The following NCKAP5 variants were observed in gnomAD, a reference collection of about 807,000 sequenced individuals.
NCKAP5 encodes the protein nck-associated protein 5.
In NCKAP5, 92 loss-of-function variants were observed where a neutral mutation model predicts 167.0. The observed-to-expected ratio is 0.55, with a 90% CI of 0.47 to 0.66. The LOEUF (loss-of-function observed/expected upper bound fraction) is 0.66, where lower values mean the gene tolerates loss of function less well. Among genes scored for constraint, NCKAP5 ranks in the 30% least tolerant of loss-of-function variants. NCKAP5 has a pLI of 0.00. For synonymous variants in NCKAP5, 891 were observed against 877.4 expected, an observed-to-expected ratio of 1.02 and a Z score of -0.27; for missense variants, 2,378 against 2,315.0, an observed-to-expected ratio of 1.03 and a Z score of -0.56.
intron 3 of NCKAP5, among the ~76,000 whole-genome samples, chr2:133,421,109 C>T (rs1689446942): frequency 6.6e-6 from 1 of 152,164 alleles, no homozygotes; most frequent in East Asian, 1.9e-4. Flanking sequence ...TTTCTAAATG[C>T]AGAGCTAGAC....
intron 4 of NCKAP5, among the ~76,000 whole-genome samples, chr2:133,262,556 C>T (rs1413745267): frequency 2.0e-5 from 3 of 152,182 alleles, no homozygotes; most frequent in African/African-American, 7.2e-5. Flanking sequence ...ATGCCACCTA[C>T]TCTCTGAGAG....
In NCKAP5 at chr2:133,308,179, C is replaced by T. The variant is rs1258236973; in HGVS notation, c.70-5069G>A. ...TCTCGGCTCACTGCAAGCTCCGCCT[C>T]CCGGGTTCACGCCATTCTCCCACCT... is the stretch of plus-strand genomic sequence containing the variant. On this transcript the variant is annotated intron_variant, in intron 3 of 19. Transcript: ENST00000409261. Among the ~76,000 whole-genome samples the T allele has an allele frequency of 2.7e-5, 4 of 149,256 alleles. No individual in the cohort carries two copies. The East Asian group carries it at 6.0e-4, about 22-fold the overall frequency.
At chr2:133,264,122 A>C (rs1203099689) in intron 4 of NCKAP5, among the ~76,000 whole-genome samples, 1 of 152,228 alleles carries the variant, frequency 6.6e-6, no homozygotes, top group Non-Finnish European at 1.5e-5. Context: ...CCCTTCTGGT[A>C]ATATACATGT....
intron 5 of NCKAP5, among the ~76,000 whole-genome samples, chr2:133,132,200 T>C (rs949863748): frequency 6.6e-6 from 1 of 151,568 alleles, no homozygotes; most frequent in African/African-American, 2.4e-5. Flanking sequence ...AGGCAGTGAA[T>C]TGCTTGAACC....
At chr2:133,159,978 C>T (rs1360913942) in intron 5 of NCKAP5, among the ~76,000 whole-genome samples, 2 of 151,998 alleles carry the variant, frequency 1.3e-5, no homozygotes, top group African/African-American at 4.8e-5. Flanking sequence ...ATATGTAGTC[C>T]CTCTCTCCAT....
chr2:133,553,568 G>A (rs927628559), intron 2 of NCKAP5, among the ~76,000 whole-genome samples: 13 of 152,134 alleles, frequency 8.5e-5, no homozygotes, highest in African/African-American at 3.1e-4. Context: ...AGTTTAAATA[G>A]GTGGAGATGA....
chr2:133,115,798 T>C (rs1559154049), intron 6 of NCKAP5, among the ~76,000 whole-genome samples: 10 of 122,762 alleles, frequency 8.1e-5, no homozygotes, highest in African/African-American at 3.7e-4. Flanking sequence ...TATATATATA[T>C]ATATATATAT....
chr2:132,825,328 A>T (rs1251780364), intron 11 of NCKAP5, among the ~76,000 whole-genome samples: 2 of 152,170 alleles, frequency 1.3e-5, no homozygotes, highest in African/African-American at 4.8e-5. Flanking sequence ...ATGCATGATA[A>T]TGAGGGATGG....
intron 4 of NCKAP5, among the ~76,000 whole-genome samples, chr2:133,254,561 C>A (rs1235813657): frequency 2.6e-5 from 4 of 152,090 alleles, no homozygotes; most frequent in Non-Finnish European, 5.9e-5. Flanking sequence ...GATTGTTATT[C>A]AGCAACAGAT....
intron 3 of NCKAP5, among the ~76,000 whole-genome samples, chr2:133,452,474 T>C (rs1691609963): frequency 6.6e-6 from 1 of 152,182 alleles, no homozygotes; most frequent in Non-Finnish European, 1.5e-5. Flanking sequence ...TAATATGTAA[T>C]GGAGAAATTG....
intron 4 of NCKAP5, among the ~76,000 whole-genome samples, chr2:133,278,638 T>C (rs1220888167): frequency 1.3e-5 from 2 of 152,138 alleles, no homozygotes; most frequent in African/African-American, 2.4e-5. Context: ...TTGTGGGTAA[T>C]TATTTTTCCT....
At chr2:132,896,092 G>A (rs532073112) in intron 8 of NCKAP5, among the ~76,000 whole-genome samples, 6 of 152,284 alleles carry the variant, frequency 3.9e-5, no homozygotes, top group South Asian at 2.1e-4. Context: ...CCAAGATCAC[G>A]CCACTGCCCT....
intron 8 of NCKAP5, among the ~76,000 whole-genome samples, chr2:132,902,057 T>C (rs1224464110): frequency 6.6e-6 from 1 of 152,212 alleles, no homozygotes; most frequent in Admixed American, 6.5e-5. Flanking sequence ...TTTCCACTTA[T>C]CAATATTCAT....
At chr2:132,981,237 C>A (rs2077132212) in intron 7 of NCKAP5, among the ~76,000 whole-genome samples, 1 of 152,164 alleles carries the variant, frequency 6.6e-6, no homozygotes, top group South Asian at 2.1e-4. Flanking sequence ...AAAATATAAG[C>A]CATCATAAAC....
intron 8 of NCKAP5, among the ~76,000 whole-genome samples, chr2:132,889,514 A>G (rs1692515913): frequency 6.6e-6 from 1 of 152,214 alleles, no homozygotes; most frequent in African/African-American, 2.4e-5. Context: ...AATTTCTCAC[A>G]TTGAAAACTA....
chr2:133,467,652 G>T (rs1396719425), intron 3 of NCKAP5, among the ~76,000 whole-genome samples: 1 of 150,144 alleles, frequency 6.7e-6, no homozygotes, highest in Non-Finnish European at 1.5e-5. Flanking sequence ...GACTCTTTTT[G>T]GTTGGTAAGC....
intron 3 of NCKAP5, among the ~76,000 whole-genome samples, chr2:133,516,604 A>G (rs1316834124): frequency 6.6e-6 from 1 of 152,236 alleles, no homozygotes; most frequent in African/African-American, 2.4e-5. Context: ...CTACAGCTGC[A>G]AAGTTTGAAA....
intron 19 of NCKAP5, among the ~76,000 whole-genome samples, chr2:132,698,823 A>G (rs2105217989): frequency 6.6e-6 from 1 of 152,110 alleles, no homozygotes; most frequent in East Asian, 1.9e-4. Flanking sequence ...AACAGAGAGA[A>G]ACTCTGTCTC....
In NCKAP5 at chr2:133,014,353, C is replaced by T. The variant is rs182235452; in HGVS notation, c.342-20114G>A. Among the ~76,000 whole-genome samples the T allele has an allele frequency of 7.9e-5, 12 of 152,310 alleles. No homozygotes were observed. In the East Asian group the frequency reaches 2.3e-3, roughly 29 times the overall value. On this transcript the variant is annotated intron_variant, in intron 6 of 19. Coordinates refer to ENST00000409261, the MANE Select transcript of NCKAP5 (RefSeq NM_207363.3). ...TCATTTTCCCTCGTAGAATGTGACT[C>T]CCATCCACCACCAGTGAAGCTATTC...
Sources: allele counts gnomAD v4.1 joint callset (sites outside exome capture counted in the v4.1 genomes callset), GRCh38; gene constraint gnomAD v4.1.1; transcripts MANE v1.5; gene names NCBI Gene and HGNC (gene_info 2026-07-23, HGNC 2026-07-21).